Variants in TSHR observed in about 807,000 individuals in gnomAD.
The protein encoded by TSHR is thyrotropin receptor.
A neutral mutation model predicts 64.1 loss-of-function variants in TSHR; 51 were observed. The observed-to-expected ratio is 0.80, with a 90% CI of 0.64 to 1.01. The LOEUF (loss-of-function observed/expected upper bound fraction) is 1.01. Among genes scored for constraint, TSHR ranks in the 50% least tolerant of loss-of-function variants. The pLI is 0.00. For synonymous variants in TSHR, 361 were observed against 361.9 expected (o/e 1.00, Z 0.03); for missense variants, 877 against 942.8 (o/e 0.93, Z 0.91).
chr14:80,979,476 A>G (rs1192330125), intron 1 of TSHR, among the ~76,000 whole-genome samples: 1 of 152,190 alleles, frequency 6.6e-6, no homozygotes, highest in Non-Finnish European at 1.5e-5. Context: ...GACTATGTTA[A>G]CAATAATGTA....
intron 1 of TSHR, among the ~76,000 whole-genome samples, chr14:81,028,571 A>G (rs911456612): frequency 6.6e-6 from 1 of 152,118 alleles, no homozygotes; most frequent in Non-Finnish European, 1.5e-5. Context: ...TCCAGTTTTC[A>G]ACCATCTTAG....
intron 1 of TSHR, among the ~76,000 whole-genome samples, chr14:81,047,325 C>T (rs1342142968): frequency 6.6e-6 from 1 of 151,612 alleles, no homozygotes; most frequent in East Asian, 1.9e-4. Flanking sequence ...GACACCAATA[C>T]ACACACACAC....
intron 2 of TSHR, among the ~76,000 whole-genome samples, chr14:81,063,892 A>G (rs377551676): frequency 6.6e-6 from 1 of 152,130 alleles, no homozygotes; most frequent in East Asian, 1.9e-4. Context: ...TGTGATCTGC[A>G]TTATATAGCA....
intron 9 of TSHR, among the ~76,000 whole-genome samples, chr14:81,141,150 A>G (rs733235): frequency 0.35 from 53,596 of 152,064 alleles, 10,422 homozygotes; most frequent in African/African-American, 0.53. Context: ...GCACATGCAC[A>G]CACACACACA....
intron 3 of TSHR, among the ~76,000 whole-genome samples, chr14:81,076,996 C>T (rs1887552037): frequency 6.6e-6 from 1 of 152,122 alleles, no homozygotes; most frequent in Admixed American, 6.5e-5. Context: ...AGGGTATTCA[C>T]ATGCTTTTGC....
Position 81,135,632 on chromosome 14 carries a change from G to A in TSHR, c.693-4047G>A, listed in dbSNP as rs112642338. Among the ~76,000 whole-genome samples the A allele has an allele frequency of 8.5e-4, 129 of 152,294 alleles. 1 individual carries two copies. Among genetic ancestry groups the A allele is most frequent in the African/African-American group, 2.6e-3 (110 of 41,562 alleles). On this transcript the variant is annotated intron_variant, in intron 8 of 9. Transcript: ENST00000298171. ...TGTTGTAAATATTCACGGCATGAAC[G>A]TAGGGCAAGGGCAAGAGAGACTCCA...
At chr14:80,967,899 T>G (rs1454330076) in intron 1 of TSHR, among the ~76,000 whole-genome samples, 2 of 152,150 alleles carry the variant, frequency 1.3e-5, no homozygotes, top group Non-Finnish European at 2.9e-5. Context: ...AGTTTGCTGC[T>G]GCTAGAAACA....
intron 1 of TSHR, among the ~76,000 whole-genome samples, chr14:80,963,450 TACA>T (rs1887141510): frequency 6.6e-6 from 1 of 151,932 alleles, no homozygotes; most frequent in South Asian, 2.1e-4. Context: ...GCTGAGACCC[TACA>T]ACAACAACAA....
intron 1 of TSHR, among the ~76,000 whole-genome samples, chr14:81,022,491 T>G (rs1446224220): frequency 6.6e-6 from 1 of 151,960 alleles, no homozygotes; most frequent in African/African-American, 2.4e-5. Context: ...CAGAATTCAT[T>G]TATTGAAACT....
chr14:81,043,640 A>C (rs907410994), intron 1 of TSHR, among the ~76,000 whole-genome samples: 1 of 151,742 alleles, frequency 6.6e-6, no homozygotes, highest in African/African-American at 2.4e-5. Context: ...AATCCTAAGC[A>C]AAAAGAACAA....
rs147149121 is a variant in TSHR at position 81,096,923 on chromosome 14, GGTGT to G, written c.614+243_614+246del. On this transcript the variant is annotated intron_variant, in intron 7 of 9. Transcript: ENST00000298171. ...GGTAAGTTCCAAAGCTTTTCTCCCT[GGTGT>G]GTGTGTGTGTGTGTGTGTGTGTGTG... 3.8e-3 allele frequency among the ~76,000 whole-genome samples: 571 copies of G among 148,510 alleles called. 4 individuals carry two copies. Among genetic ancestry groups the G allele is most frequent in the African/African-American group, 0.013 (523 of 40,238 alleles).
intron 4 of TSHR, among the ~76,000 whole-genome samples, chr14:81,088,841 T>C (rs1386873387): frequency 1.3e-5 from 2 of 152,194 alleles, no homozygotes; most frequent in African/African-American, 4.8e-5. Context: ...CATAGATATT[T>C]TATGAGATAA....
At position 81,139,812 on chromosome 14, in the gene TSHR, G is replaced by A. The variant is rs1891608431; in HGVS notation, c.826G>A (p.Asp276Asn). 2 of 1,614,206 alleles carry A rather than the reference G, an allele frequency of 1.2e-6. No homozygotes were observed. Among genetic ancestry groups the A allele is most frequent in the Non-Finnish European group, 1.7e-6 (2 of 1,180,050 alleles). ...SLSFLHLTRADLSYPSHCCAF... is the reference protein window; with the variant it reads ...SLSFLHLTRANLSYPSHCCAF... The stretch of plus-strand genomic sequence containing the variant: ...GAGTTTCCTTCACCTCACACGGGCT[G>A]ACCTTTCTTACCCAAGCCACTGCTG... Residue 276 changes from aspartate to asparagine, a missense_variant, in exon 9 of 10, where the codon GAC (aspartate) becomes AAC (asparagine). By Grantham distance (23) the Asp-to-Asn change is conservative. Coordinates refer to ENST00000298171, the MANE Select transcript of TSHR (RefSeq NM_000369.5).
At chr14:81,024,943 A>G (rs928739054) in intron 1 of TSHR, among the ~76,000 whole-genome samples, 3 of 152,206 alleles carry the variant, frequency 2.0e-5, no homozygotes, top group Non-Finnish European at 4.4e-5. Context: ...TTACTGTCAT[A>G]TGGAATTTAC....
intron 1 of TSHR, among the ~76,000 whole-genome samples, chr14:80,984,623 C>T (rs74064794): frequency 0.057 from 8,674 of 152,242 alleles, 799 homozygotes; most frequent in African/African-American, 0.2. Flanking sequence ...GAGGCGACGG[C>T]CTTCAAAGCT....
At chr14:81,041,302 A>T (rs1366597107) in intron 1 of TSHR, among the ~76,000 whole-genome samples, 1 of 152,208 alleles carries the variant, frequency 6.6e-6, no homozygotes, top group African/African-American at 2.4e-5. Flanking sequence ...GGATAAAAAA[A>T]TGTGTTACAT....
At chr14:81,124,198 A>G (rs1477512047) in intron 8 of TSHR, among the ~76,000 whole-genome samples, 1 of 151,876 alleles carries the variant, frequency 6.6e-6, no homozygotes, top group Non-Finnish European at 1.5e-5. Context: ...TGGCACTGTC[A>G]TATTTCTTTG....
At chr14:81,037,431 ACAAAC>A (rs1884693489) in intron 1 of TSHR, among the ~76,000 whole-genome samples, 15 of 146,314 alleles carry the variant, frequency 1.0e-4, no homozygotes, top group South Asian at 4.7e-4. Context: ...AAACAAACAA[ACAAAC>A]AAACAAACAA....
chr14:80,970,128 C>A (rs1021080810), intron 1 of TSHR, among the ~76,000 whole-genome samples: 8 of 152,154 alleles, frequency 5.3e-5, no homozygotes, highest in African/African-American at 1.9e-4. Flanking sequence ...ATCTGTAAAG[C>A]AGACACCAAC....
Sources: allele counts gnomAD v4.1 joint callset (sites outside exome capture counted in the v4.1 genomes callset), GRCh38; gene constraint gnomAD v4.1.1; transcripts MANE v1.5; gene names NCBI Gene and HGNC (gene_info 2026-07-23, HGNC 2026-07-21).